ARID2: variants seen among roughly 807,000 people sequenced by gnomAD.
The protein encoded by ARID2 is AT-rich interactive domain-containing protein 2.
A neutral mutation model predicts 184.6 loss-of-function variants in ARID2; 32 were observed. The ratio of observed to expected loss-of-function variants is 0.17; its 90% CI spans 0.13 to 0.23. The LOEUF (loss-of-function observed/expected upper bound fraction) is 0.23, where lower values mean the gene tolerates loss of function less well. Ranked by LOEUF, ARID2 falls within the 10% of genes least tolerant of loss-of-function variation. ARID2 has a pLI of 1.00. For missense variants in ARID2, 1,696 were observed against 2,197.6 expected, an observed-to-expected ratio of 0.77 and a Z score of 4.56; for synonymous variants, 836 against 772.6, an observed-to-expected ratio of 1.08 and a Z score of -1.36.
intron 3 of ARID2, among the ~76,000 whole-genome samples, chr12:45,752,598 C>T (rs989528159): frequency 1.3e-5 from 2 of 152,120 alleles, no homozygotes; most frequent in Non-Finnish European, 2.9e-5. Context: ...CATAGCTCAC[C>T]GTAGCCTTGA....
chr12:45,741,286 C>G (rs1283537837), intron 3 of ARID2, among the ~76,000 whole-genome samples: 2 of 152,154 alleles, frequency 1.3e-5, no homozygotes, highest in African/African-American at 2.4e-5. Flanking sequence ...GCAGCCTTGA[C>G]CTTCCAGCTC....
intron 16 of ARID2, among the ~76,000 whole-genome samples, chr12:45,888,423 G>T (rs1794205088): frequency 6.6e-6 from 1 of 152,182 alleles, no homozygotes; most frequent in African/African-American, 2.4e-5. Flanking sequence ...AGTTGTGAGC[G>T]ATAGTGAGTG....
intron 3 of ARID2, among the ~76,000 whole-genome samples, chr12:45,768,418 A>G (rs948357554): frequency 3.9e-5 from 6 of 152,006 alleles, no homozygotes; most frequent in Non-Finnish European, 8.8e-5. Context: ...TGTTGCCCCA[A>G]CTCCACAAAG....
chr12:45,856,286 C>T (rs1943648694), intron 15 of ARID2, among the ~76,000 whole-genome samples: 1 of 151,116 alleles, frequency 6.6e-6, no homozygotes, highest in South Asian at 2.1e-4. Context: ...TCAGGCTGGT[C>T]TCAAGCTCCT....
chr12:45,769,487 T>G (rs1318794581), intron 3 of ARID2, among the ~76,000 whole-genome samples: 1 of 152,152 alleles, frequency 6.6e-6, no homozygotes, highest in East Asian at 1.9e-4. Flanking sequence ...CAACAGAGAT[T>G]ATGCAGTGTG....
intron 20 of ARID2, among the ~76,000 whole-genome samples, chr12:45,900,540 A>G (rs566316867): frequency 7.9e-4 from 120 of 152,120 alleles, no homozygotes; most frequent in African/African-American, 2.8e-3. Flanking sequence ...TTTTTAGAAT[A>G]TTTTTTTCCT....
intron 20 of ARID2, among the ~76,000 whole-genome samples, chr12:45,901,988 T>G (rs1242658877): frequency 6.6e-6 from 1 of 152,156 alleles, no homozygotes; most frequent in African/African-American, 2.4e-5. Context: ...AAAAATAAAT[T>G]TCTTTTACCC....
At chr12:45,904,497 C>T (rs1468470593) in intron 20 of ARID2, 2 of 506,784 alleles carry the variant, frequency 3.9e-6, no homozygotes, top group Non-Finnish European at 7.1e-6. Context: ...TCGAGACCGT[C>T]CTGGCCAACA....
At chr12:45,802,600 A>G (rs1228300856) in intron 3 of ARID2, among the ~76,000 whole-genome samples, 7 of 152,158 alleles carry the variant, frequency 4.6e-5, no homozygotes, top group Non-Finnish European at 7.4e-5. Context: ...CTCATCATCT[A>G]ATGTTATCAC....
At chr12:45,784,092 C>T (rs1942147286) in intron 3 of ARID2, among the ~76,000 whole-genome samples, 1 of 152,200 alleles carries the variant, frequency 6.6e-6, no homozygotes, top group Admixed American at 6.5e-5. Flanking sequence ...GGAGCTCAAT[C>T]AGTCCTCCCA....
At position 45,762,567 on chromosome 12, in the gene ARID2, T is replaced by C. The variant is rs967545693; in HGVS notation, c.284+31253T>C. Among the ~76,000 whole-genome samples the C allele has an allele frequency of 3.3e-5, 5 of 152,240 alleles. No individual in the cohort carries two copies. The East Asian group carries it at 9.6e-4, about 29-fold the overall frequency. On this transcript the variant is annotated intron_variant, in intron 3 of 20. Transcript: ENST00000334344. ...ATCAGTGAGTAGACTCTGGCTTTCA[T>C]GTGCTCTGTGCATCCCTAAAGATGC...
intron 3 of ARID2, among the ~76,000 whole-genome samples, chr12:45,763,302 C>T (rs564659527): frequency 2.0e-5 from 3 of 152,072 alleles, no homozygotes; most frequent in Non-Finnish European, 2.9e-5. Context: ...AACCCCGTCT[C>T]TACTAAAAAT....
At position 45,729,724 on chromosome 12, in the gene ARID2, CCCG is replaced by C. The variant is rs540748478; in HGVS notation, c.-103_-101del. On this transcript the variant is annotated 5_prime_UTR_variant, in exon 1 of 21. Coordinates refer to ENST00000334344, the MANE Select transcript of ARID2 (RefSeq NM_152641.4). ...CGCCACCGCCGGCCCATGACTGAGC[CCCG>C]CCGCCGCCGGCCGAGGAATGGGCTC... 20 of 1,091,088 alleles carry C rather than the reference CCCG, an allele frequency of 1.8e-5. No homozygotes were observed. Among genetic ancestry groups the C allele is most frequent in the South Asian group, 4.5e-5 (3 of 67,074 alleles). 67.6% of individuals were successfully genotyped at this position (1,091,088 alleles called of 1,614,324 possible).
chr12:45,871,865 C>T (rs184120991), intron 16 of ARID2, among the ~76,000 whole-genome samples: 507 of 152,148 alleles, frequency 3.3e-3, no homozygotes, highest in African/African-American at 0.012. Context: ...GGGAATTGGC[C>T]GATTTCATCT....
chr12:45,852,443 G>A lies in ARID2; in HGVS notation c.4320G>A (p.Gln1440=), dbSNP rs760260968. 3.5e-5 allele frequency: 57 copies of A among 1,614,160 alleles called. No homozygotes were observed. The Middle Eastern group carries it at 8.3e-4, about 23-fold the overall frequency. Residue 1440 remains glutamine, a synonymous_variant, in exon 15 of 21, where the codon CAG becomes CAA. Coordinates refer to ENST00000334344, the MANE Select transcript of ARID2 (RefSeq NM_152641.4). ...AGGAGGCTTCAAATGCGGCAACACA[G>A]CAATTTAGTGGTACTGATTTGCTTA... ...SIQEASNAAT[Q]QFSGTDLLNG...
At chr12:45,806,088 A>G (rs895103901) in intron 3 of ARID2, among the ~76,000 whole-genome samples, 16 of 152,280 alleles carry the variant, frequency 1.1e-4, no homozygotes, top group African/African-American at 3.6e-4. Context: ...TAGGTGAGAA[A>G]CATAATTGGG....
intron 3 of ARID2, among the ~76,000 whole-genome samples, chr12:45,802,282 G>T (rs576739587): frequency 4.1e-4 from 62 of 152,084 alleles, no homozygotes; most frequent in African/African-American, 1.1e-3. Context: ...GCCCAGGCTG[G>T]TCTCAAAACT....
rs1218126655 is a variant in ARID2 at position 45,785,663 on chromosome 12, T to C, written c.285-25755T>C. Among the ~76,000 whole-genome samples, 5 of 152,138 alleles carry C rather than the reference T, an allele frequency of 3.3e-5. No individual in the cohort carries two copies. In the East Asian group the frequency reaches 7.7e-4, roughly 23 times the overall value. On this transcript the variant is annotated intron_variant, in intron 3 of 20. Coordinates refer to ENST00000334344, the MANE Select transcript of ARID2 (RefSeq NM_152641.4). ...AAAGGAAATGCTCATTGGAGTATTT[T>C]GAATTTTCAGATTAGAGAAGCTCAG...
chr12:45,764,363 C>T (rs1243821245), intron 3 of ARID2, among the ~76,000 whole-genome samples: 1 of 152,096 alleles, frequency 6.6e-6, no homozygotes, highest in African/African-American at 2.4e-5. Flanking sequence ...TCATTCCCCC[C>T]TTTTTATTAA....
Sources: gnomAD v4.1 joint callset for allele counts (sites outside exome capture counted in the v4.1 genomes callset) on GRCh38, gnomAD v4.1.1 for gene constraint, MANE v1.5 for transcripts, NCBI Gene and HGNC (gene_info 2026-07-23, HGNC 2026-07-21) for gene names.